Variants in BBS2 observed in about 807,000 individuals in gnomAD.
The protein encoded by BBS2 is BBSome complex member BBS2.
In BBS2, 62 loss-of-function variants were observed where a neutral mutation model predicts 83.0. The observed-to-expected ratio is 0.75, with a 90% CI of 0.61 to 0.92. The LOEUF (loss-of-function observed/expected upper bound fraction) is 0.92. Ranked by LOEUF, BBS2 falls within the 40% of genes least tolerant of loss-of-function variation. BBS2 has a pLI of 0.00. For synonymous variants in BBS2, 303 were observed against 326.1 expected (o/e 0.93, Z 0.76); for missense variants, 784 against 901.0 (o/e 0.87, Z 1.66).
chr16:56,496,386 C>G (rs1265352601), intron 15 of BBS2, among the ~76,000 whole-genome samples: 1 of 152,206 alleles, frequency 6.6e-6, no homozygotes, highest in Non-Finnish European at 1.5e-5. Context: ...CATAATCCCT[C>G]CTTCTCTAGG....
At chr16:56,478,376 G>A (rs1963568056) in intron 17 of BBS2, 1 of 152,194 alleles carries the variant, frequency 6.6e-6, no homozygotes, top group Admixed American at 6.5e-5. Flanking sequence ...GGCCAGGCTG[G>A]AGACCACAAT....
chr16:56,480,023 T>A (rs534350739), downstream of BBS2, among the ~76,000 whole-genome samples: 4 of 152,362 alleles, frequency 2.6e-5, no homozygotes, highest in East Asian at 7.7e-4. Context: ...TTACAGAGAC[T>A]ACTTCACTAC....
chr16:56,496,498 C>A (rs944741803), intron 15 of BBS2, among the ~76,000 whole-genome samples: 3 of 152,156 alleles, frequency 2.0e-5, no homozygotes, highest in Admixed American at 2.0e-4. Context: ...ACTATACACA[C>A]GGATACATTT....
intron 5 of BBS2, among the ~76,000 whole-genome samples, chr16:56,506,501 G>A (rs1387855008): frequency 6.6e-6 from 1 of 152,132 alleles, no homozygotes; most frequent in African/African-American, 2.4e-5. Context: ...AAAAACACAT[G>A]AAAACTGAAG....
chr16:56,502,218 C>A, intron 9 of BBS2, 99 bp downstream of exon 9: 3 of 1,531,202 alleles, frequency 2.0e-6, no homozygotes, highest in Non-Finnish European at 2.7e-6. Flanking sequence ...AGGCCACACC[C>A]TGGCAATGAC....
chr16:56,505,129 C>T (rs1453165995), intron 7 of BBS2, among the ~76,000 whole-genome samples: 1 of 152,178 alleles, frequency 6.6e-6, no homozygotes, highest in African/African-American at 2.4e-5. Flanking sequence ...GCAGCCCAAA[C>T]CAACTAAGAC....
chr16:56,517,909 T>C (rs1159324846), intron 1 of BBS2, among the ~76,000 whole-genome samples: 2 of 150,356 alleles, frequency 1.3e-5, no homozygotes, highest in African/African-American at 4.9e-5. Context: ...AACCTCCACC[T>C]CCTAGGTTCA....
chr16:56,479,815 C>T (rs566269237), downstream of BBS2, among the ~76,000 whole-genome samples: 149 of 152,334 alleles, frequency 9.8e-4, 2 homozygotes, highest in Middle Eastern at 0.017. Flanking sequence ...TCCTTCAGCT[C>T]CTCTGTGAAG....
intron 9 of BBS2, 131 bp downstream of exon 9, chr16:56,502,186 C>G: frequency 8.1e-7 from 1 of 1,237,980 alleles, no homozygotes; most frequent in South Asian, 1.2e-5. Flanking sequence ...TATATCCCCT[C>G]TCAATTCTGA....
At chr16:56,510,965 A>G (rs1425856110) in intron 3 of BBS2, 44 bp from the exon 4 acceptor site, 1 of 1,604,088 alleles carries the variant, frequency 6.2e-7, no homozygotes, top group Non-Finnish European at 8.5e-7. Context: ...TCGTTTCTCC[A>G]TTTACTCCAA....
At chr16:56,516,193 G>A (rs1160108938) in intron 1 of BBS2, 1 of 152,136 alleles carries the variant, frequency 6.6e-6, no homozygotes, top group Non-Finnish European at 1.5e-5. Context: ...GTCCCTTCAG[G>A]CAAGGAAAGA....
At position 56,470,749 on chromosome 16, in the gene BBS2, G is replaced by A. The variant is rs1208298112; in HGVS notation, c.*1-54C>T. ...CAGCAACAACAGCCAACAGAGCAAT[G>A]AGCAGACAGACCCAGAGCCAGAGGA... On this transcript the variant is annotated intron_variant, in intron 17 of 17. Coordinates refer to the BBS2 transcript ENST00000682047. 5 of 1,612,308 alleles carry A rather than the reference G, an allele frequency of 3.1e-6. No homozygotes were observed. Among genetic ancestry groups the A allele is most frequent in the South Asian group, 1.1e-5 (1 of 90,754 alleles).
At chr16:56,476,399 T>G in intron 17 of BBS2, 3 of 370,202 alleles carry the variant, frequency 8.1e-6, no homozygotes, top group Non-Finnish European at 1.4e-5. Context: ...TACTTATCTC[T>G]TGATTAAAAA....
chr16:56,479,122 TA>T (rs1422775879), intron 17 of BBS2: 1 of 152,228 alleles, frequency 6.6e-6, no homozygotes, highest in African/African-American at 2.4e-5. Flanking sequence ...TTTCTCTCTT[TA>T]TTCTTAATAG....
intron 5 of BBS2, among the ~76,000 whole-genome samples, chr16:56,507,656 A>G (rs1964458835): frequency 1.3e-5 from 2 of 152,072 alleles, no homozygotes; most frequent in South Asian, 4.1e-4. Context: ...GAAAGCACAT[A>G]TAAGCACATA....
chr16:56,497,336 T>C, intron 14 of BBS2: 1 of 542,884 alleles, frequency 1.8e-6, no homozygotes. Flanking sequence ...CACATATTAA[T>C]ATTTTAGGGA....
chr16:56,491,643 A>G (rs1963952482), intron 15 of BBS2, among the ~76,000 whole-genome samples: 1 of 152,054 alleles, frequency 6.6e-6, no homozygotes. Context: ...TTCACACAAA[A>G]AAGAAATGGA....
intron 5 of BBS2, 36 bp from the exon 6 acceptor site, chr16:56,506,260 A>G (rs997834963): frequency 5.0e-5 from 74 of 1,492,026 alleles, no homozygotes; most frequent in Non-Finnish European, 6.4e-5. Context: ...ACATCTTTTC[A>G]TTAAGACTCA....
intron 2 of BBS2, among the ~76,000 whole-genome samples, chr16:56,514,000 G>C (rs1964655887): frequency 6.6e-6 from 1 of 152,118 alleles, no homozygotes; most frequent in Admixed American, 6.5e-5. Context: ...TGAAAAAATA[G>C]GTGTAATTTC....
Sources: allele counts gnomAD v4.1 joint callset (sites outside exome capture counted in the v4.1 genomes callset), GRCh38; gene constraint gnomAD v4.1.1; transcripts MANE v1.5; gene names NCBI Gene and HGNC (gene_info 2026-07-23, HGNC 2026-07-21).